Variants in MYO3B observed in about 807,000 individuals in gnomAD.
MYO3B encodes myosin IIIB.
In MYO3B, 156 loss-of-function variants were observed where a neutral mutation model predicts 174.6. The observed-to-expected ratio is 0.89, with a 90% CI of 0.78 to 1.02. The LOEUF (loss-of-function observed/expected upper bound fraction) is 1.02, where lower values mean the gene tolerates loss of function less well. Among genes scored for constraint, MYO3B ranks in the 50% least tolerant of loss-of-function variants. The pLI is 0.00. For missense variants in MYO3B, 1,632 were observed against 1,639.4 expected (o/e 1.00, Z 0.08); for synonymous variants, 563 against 569.1 (o/e 0.99, Z 0.15).
chr2:170,621,684 G>GT (rs1304568772), intron 32 of MYO3B, among the ~76,000 whole-genome samples: 1 of 151,492 alleles, frequency 6.6e-6, no homozygotes, highest in Non-Finnish European at 1.5e-5. Context: ...TAATTTTTTT[G>GT]TATTTTTAGT....
At chr2:170,494,781 T>G (rs914026144) in intron 25 of MYO3B, among the ~76,000 whole-genome samples, 5 of 147,894 alleles carry the variant, frequency 3.4e-5, no homozygotes, top group African/African-American at 1.2e-4. Context: ...GAAAAAGAAG[T>G]TACGTGGATT....
chr2:170,601,146 GACA>G (rs1420945894), intron 32 of MYO3B, among the ~76,000 whole-genome samples: 4 of 145,062 alleles, frequency 2.8e-5, no homozygotes, highest in African/African-American at 5.7e-5. Flanking sequence ...CTATGAAAAC[GACA>G]ACAATACTAA....
At chr2:170,549,149 G>A (rs1358241713) in intron 32 of MYO3B, among the ~76,000 whole-genome samples, 1 of 152,116 alleles carries the variant, frequency 6.6e-6, no homozygotes, top group African/African-American at 2.4e-5. Flanking sequence ...AAGTACACAA[G>A]CTTTAGTTTA....
chr2:170,342,595 T>G (rs912673034), intron 8 of MYO3B, among the ~76,000 whole-genome samples: 3 of 152,174 alleles, frequency 2.0e-5, no homozygotes, highest in Admixed American at 1.3e-4. Flanking sequence ...GCTAGAGTAG[T>G]ATCGCTGTGA....
At chr2:170,217,481 A>G (rs1437289843) in intron 6 of MYO3B, 86 bp downstream of exon 6, 2 of 1,158,858 alleles carry the variant, frequency 1.7e-6, no homozygotes, top group African/African-American at 1.5e-5. Context: ...TATGCTTTGC[A>G]GAATTTTTAG....
intron 1 of MYO3B, among the ~76,000 whole-genome samples, chr2:170,188,965 A>T (rs2092505734): frequency 6.6e-6 from 1 of 152,038 alleles, no homozygotes; most frequent in Admixed American, 6.6e-5. Flanking sequence ...CAAATAATTT[A>T]TTCTTGCTTT....
At chr2:170,449,297 C>T (rs980161572) in intron 23 of MYO3B, among the ~76,000 whole-genome samples, 3 of 152,082 alleles carry the variant, frequency 2.0e-5, no homozygotes, top group African/African-American at 4.8e-5. Flanking sequence ...TCCAGTTGTG[C>T]CCTGTTACAA....
chr2:170,602,005 A>G (rs1215085886), intron 32 of MYO3B: 1 of 904,206 alleles, frequency 1.1e-6, no homozygotes, highest in African/African-American at 1.6e-5. Context: ...ATAGGTTTTC[A>G]TTTCTCTTTC....
At chr2:170,406,236 C>A (rs988429305) in intron 21 of MYO3B, among the ~76,000 whole-genome samples, 1 of 152,002 alleles carries the variant, frequency 6.6e-6, no homozygotes, top group Non-Finnish European at 1.5e-5. Flanking sequence ...ATGTTACTCC[C>A]AAAGGAGCCA....
chr2:170,506,815 G>T (rs1013556266), intron 28 of MYO3B, among the ~76,000 whole-genome samples: 4 of 152,186 alleles, frequency 2.6e-5, no homozygotes, highest in Non-Finnish European at 4.4e-5. Flanking sequence ...CTGTACATAA[G>T]TAGATTGTTG....
chr2:170,429,912 A>G (rs1012148288), intron 22 of MYO3B, among the ~76,000 whole-genome samples: 2 of 151,978 alleles, frequency 1.3e-5, no homozygotes, highest in Non-Finnish European at 2.9e-5. Context: ...CCTTCCCCCC[A>G]AGAGCTTCTC....
chr2:170,218,787 C>A (rs978914412), intron 6 of MYO3B, among the ~76,000 whole-genome samples: 1 of 152,102 alleles, frequency 6.6e-6, no homozygotes, highest in Non-Finnish European at 1.5e-5. Context: ...TCCTCCTTCT[C>A]CCATTATTAT....
chr2:170,479,387 T>C (rs1685533337), intron 25 of MYO3B, among the ~76,000 whole-genome samples: 1 of 146,684 alleles, frequency 6.8e-6, no homozygotes, highest in South Asian at 2.1e-4. Context: ...ATATAGAATA[T>C]AATTATATTA....
At chr2:170,540,646 A>C (rs755634538) in intron 30 of MYO3B, among the ~76,000 whole-genome samples, 2 of 146,840 alleles carry the variant, frequency 1.4e-5, no homozygotes, top group Non-Finnish European at 3.0e-5. Context: ...CATGTCCCTA[A>C]GGCAAAAACA....
chr2:170,367,397 A>G (rs944733385), intron 8 of MYO3B, among the ~76,000 whole-genome samples: 1 of 152,214 alleles, frequency 6.6e-6, no homozygotes, highest in African/African-American at 2.4e-5. Context: ...TTATTAAGAA[A>G]TCAGTAAGCA....
intron 7 of MYO3B, among the ~76,000 whole-genome samples, chr2:170,252,866 A>T (rs2093268125): frequency 1.3e-5 from 2 of 152,176 alleles, no homozygotes; most frequent in African/African-American, 4.8e-5. Flanking sequence ...TGAGGTGGGA[A>T]CATGGTGGGG....
chr2:170,594,825 GCGCACACACACACACA>G (rs140985977), intron 32 of MYO3B, among the ~76,000 whole-genome samples: 5,716 of 132,696 alleles, frequency 0.043, 248 homozygotes, highest in African/African-American at 0.11. Flanking sequence ...TTCCCAGCGC[GCGCACACACACACACA>G]CACACACACA....
intron 5 of MYO3B, 104 bp downstream of exon 5, chr2:170,214,932 C>A: frequency 3.6e-6 from 3 of 836,068 alleles, no homozygotes; most frequent in South Asian, 3.1e-5. Context: ...ACACCATAGG[C>A]TGAGGGACTT....
intron 7 of MYO3B, among the ~76,000 whole-genome samples, chr2:170,238,258 C>T (rs564056242): frequency 5.7e-4 from 86 of 152,200 alleles, no homozygotes; most frequent in African/African-American, 2.1e-3. Context: ...ATGAAAAGTA[C>T]AGAAATTAAG....
Sources: gnomAD v4.1 joint callset for allele counts (sites outside exome capture counted in the v4.1 genomes callset) on GRCh38, gnomAD v4.1.1 for gene constraint, MANE v1.5 for transcripts, NCBI Gene and HGNC (gene_info 2026-07-23, HGNC 2026-07-21) for gene names.